Variants in C3orf20 observed in about 807,000 individuals in gnomAD.
C3orf20 encodes the protein family with sequence similarity 149 member C.
Under a neutral mutation model 88.3 loss-of-function variants are expected in C3orf20, and 76 were observed. The observed-to-expected ratio is 0.86, with a 90% CI of 0.72 to 1.04. The LOEUF (loss-of-function observed/expected upper bound fraction) is 1.04. Among genes scored for constraint, C3orf20 ranks in the 50% least tolerant of loss-of-function variants. The pLI is 0.00. For synonymous variants in C3orf20, 436 were observed against 437.4 expected (o/e 1.00, Z 0.04); for missense variants, 1,056 against 1,123.3 (o/e 0.94, Z 0.86).
At chr3:14,757,273 G>GCAGCAGGGCCTTTGAC in intron 12 of C3orf20, 98 bp from the exon 13 acceptor site, 1 of 1,076,178 alleles carries the variant, frequency 9.3e-7, no homozygotes. Flanking sequence ...AAATCTGCCT[G>GCAGCAGGGCCTTTGAC]CAGCAGGGCC....
intron 7 of C3orf20, among the ~76,000 whole-genome samples, chr3:14,709,601 G>A (rs1464732367): frequency 1.3e-5 from 2 of 152,026 alleles, no homozygotes; most frequent in African/African-American, 2.4e-5. Context: ...TTTGTCAAAT[G>A]CTTTTTCTTT....
intron 11 of C3orf20, 97 bp from the exon 12 acceptor site, chr3:14,728,342 G>T (rs1188887693): frequency 1.4e-6 from 2 of 1,477,638 alleles, no homozygotes; most frequent in South Asian, 2.5e-5. Flanking sequence ...GGAGATGGGG[G>T]TGAGCCAAGG....
In C3orf20 at chr3:14,772,955, C is replaced by T. The variant is rs148438932; in HGVS notation, c.*80C>T. 11,057 of 1,026,898 alleles carry T rather than the reference C, an allele frequency of 0.011. 109 individuals carry two copies. The highest frequency in any genetic ancestry group is 0.024 in the Middle Eastern group (90 of 3,698). The allele number at this position is 1,026,898 out of a possible 1,614,324, so 63.6% of individuals were successfully genotyped here. On this transcript the variant is annotated 3_prime_UTR_variant, in exon 17 of 17. Transcript: ENST00000253697. This position sits in a 1 kb window ranked among gnomAD's most constrained non-coding sequence, Gnocchi z 4.2. The stretch of plus-strand genomic sequence containing the variant: ...TCTTGCCAGCCCAGCCCTGCCTCCC[C>T]GGTCTCCCACCCTGTCCTCCAAGCT...
chr3:14,693,725 A>G (rs902048076), intron 5 of C3orf20, among the ~76,000 whole-genome samples: 11 of 152,156 alleles, frequency 7.2e-5, no homozygotes, highest in African/African-American at 2.7e-4. Flanking sequence ...TCCCAGTACT[A>G]TATTGAATAA....
At chr3:14,704,709 C>T in intron 7 of C3orf20, 91 bp downstream of exon 7, 1 of 1,480,508 alleles carries the variant, frequency 6.8e-7, no homozygotes, top group Non-Finnish European at 9.1e-7. Flanking sequence ...TTCCTTGGGC[C>T]TTTTAGTTAT....
At chr3:14,675,417 C>T (rs1207955151) in intron 1 of C3orf20, among the ~76,000 whole-genome samples, 165 bp downstream of exon 1, 2 of 152,102 alleles carry the variant, frequency 1.3e-5, no homozygotes, top group Middle Eastern at 3.4e-3. Context: ...GTACTGGGGG[C>T]GAGAGGCCAG....
At position 14,728,685 on chromosome 3, in the gene C3orf20, C is replaced by G. The variant is rs1256349509; in HGVS notation, c.1937C>G (p.Ser646Cys). ...ATCCACACCAAAGCCAAGGTCACATCCAGGTTGGCTTGGTCCTTCACGTCT... is the reference window on the plus strand; with the variant it reads ...ATCCACACCAAAGCCAAGGTCACATGCAGGTTGGCTTGGTCCTTCACGTCT... ...TKIHTKAKVT[S>C]RGKAREGRSP... is the part of the protein sequence containing the mutation. Residue 646 changes from serine (S) to cysteine (C), a missense_variant, in exon 12 of 17, where the codon TCC (serine) becomes TGC (cysteine). Transcript: ENST00000253697. 6.2e-7 allele frequency: 1 copy of G among 1,613,160 alleles called. No homozygotes were observed.
In C3orf20 at chr3:14,760,862, C is replaced by T. The variant is rs149351952; in HGVS notation, c.2353-611C>T. Among the ~76,000 whole-genome samples the T allele has an allele frequency of 4.5e-3, 684 of 152,148 alleles. 4 individuals carry two copies. Among genetic ancestry groups the T allele is most frequent in the South Asian group, 0.032 (155 of 4,800 alleles). On this transcript the variant is annotated intron_variant, in intron 14 of 16. Coordinates refer to ENST00000253697, the MANE Select transcript of C3orf20 (RefSeq NM_032137.5). ...TGACCTTGTGATCCGCCCACCTTGACCTCCCAAAGTGAAGAGTCTGTCATT... is the reference window on the plus strand; with the variant it reads ...TGACCTTGTGATCCGCCCACCTTGATCTCCCAAAGTGAAGAGTCTGTCATT...
At chr3:14,679,961 A>G (rs985145304) in intron 1 of C3orf20, among the ~76,000 whole-genome samples, 3 of 152,254 alleles carry the variant, frequency 2.0e-5, no homozygotes, top group African/African-American at 2.4e-5. Flanking sequence ...CAGAACCACA[A>G]TGAGACATAA....
chr3:14,688,087 A>G (rs142245224), intron 4 of C3orf20, among the ~76,000 whole-genome samples: 16 of 152,326 alleles, frequency 1.1e-4, no homozygotes, highest in African/African-American at 3.8e-4. Context: ...CATTCATCCT[A>G]AAAGGACTTT....
At chr3:14,722,648 G>A (rs1204561328) in intron 10 of C3orf20, 14 of 450,430 alleles carry the variant, frequency 3.1e-5, no homozygotes, top group Admixed American at 7.1e-5. Context: ...CAAGTCTATC[G>A]TCTCCACAAA....
At chr3:14,731,057 A>G (rs562608833) in intron 12 of C3orf20, among the ~76,000 whole-genome samples, 1 of 152,242 alleles carries the variant, frequency 6.6e-6, no homozygotes, top group African/African-American at 2.4e-5. Context: ...CTATACATAC[A>G]CACACCACAG....
Position 14,773,010 on chromosome 3 carries a change from TG to T in C3orf20, c.*139del. 1.5e-6 allele frequency: 1 copy of T among 682,544 alleles called. No homozygotes were observed. Among genetic ancestry groups the T allele is most frequent in the Non-Finnish European group, 2.6e-6 (1 of 379,748 alleles). The allele number at this position is 682,544 out of a possible 1,614,324, so 42.3% of individuals were successfully genotyped here. On this transcript the variant is annotated 3_prime_UTR_variant, in exon 17 of 17. Transcript: ENST00000253697. ...TAATAAACCAGCGGGCCTCCAGCAT[TG>T]GGGTGAGGCTCTGGGGAAGGACAGA...
chr3:14,745,559 T>C (rs1468124561), intron 12 of C3orf20, among the ~76,000 whole-genome samples: 1 of 152,222 alleles, frequency 6.6e-6, no homozygotes, highest in Non-Finnish European at 1.5e-5. Flanking sequence ...TTTTTTCCTA[T>C]TACAAGCAAT....
At chr3:14,767,891 C>T (rs1303526872) in intron 15 of C3orf20, among the ~76,000 whole-genome samples, 2 of 152,240 alleles carry the variant, frequency 1.3e-5, no homozygotes, top group Non-Finnish European at 2.9e-5. Flanking sequence ...CCCTTCAAAG[C>T]AGTTTGTAAA....
chr3:14,728,890 G>A (rs981687788), intron 12 of C3orf20, among the ~76,000 whole-genome samples: 1 of 152,206 alleles, frequency 6.6e-6, no homozygotes, highest in African/African-American at 2.4e-5. Flanking sequence ...GGAGTAATGG[G>A]TTAGGGCAGG....
intron 4 of C3orf20, among the ~76,000 whole-genome samples, chr3:14,684,812 G>T (rs993723814): frequency 6.6e-6 from 1 of 152,152 alleles, no homozygotes; most frequent in Non-Finnish European, 1.5e-5. Context: ...GGCCTATGTG[G>T]GTCAGTGGCA....
intron 9 of C3orf20, among the ~76,000 whole-genome samples, chr3:14,716,029 T>A (rs1373275679): frequency 6.6e-6 from 1 of 152,144 alleles, no homozygotes; most frequent in African/African-American, 2.4e-5. Context: ...TGTGGCAGAG[T>A]TCCTCATCAT....
chr3:14,692,215 C>G (rs571165908), intron 5 of C3orf20, among the ~76,000 whole-genome samples: 2 of 152,312 alleles, frequency 1.3e-5, no homozygotes, highest in East Asian at 3.9e-4. Flanking sequence ...CATGGGAGTG[C>G]AGATATCTCT....
Sources: allele counts gnomAD v4.1 joint callset (sites outside exome capture counted in the v4.1 genomes callset), GRCh38; gene constraint gnomAD v4.1.1; non-coding constraint Gnocchi (gnomAD v3.1); transcripts MANE v1.5; gene names NCBI Gene and HGNC (gene_info 2026-07-23, HGNC 2026-07-21).